Variants in REC114 observed in about 807,000 individuals in gnomAD.
The protein encoded by REC114 is meiotic recombination protein REC114.
Under a neutral mutation model 31.3 loss-of-function variants are expected in REC114, and 27 were observed. The ratio of observed to expected loss-of-function variants is 0.86; its 90% CI spans 0.64 to 1.19. REC114 has a LOEUF of 1.19. Among genes scored for constraint, REC114 ranks in the 50% most tolerant of loss-of-function variants. The probability of loss-of-function intolerance (pLI) is 0.00; values close to 1 mark genes in which losing one functional copy is unlikely to be tolerated. For synonymous variants in REC114, 134 were observed against 127.7 expected, an observed-to-expected ratio of 1.05 and a Z score of -0.33; for missense variants, 344 against 326.9, an observed-to-expected ratio of 1.05 and a Z score of -0.40.
At chr15:73,558,119 C>G (rs964537042) in intron 5 of REC114, among the ~76,000 whole-genome samples, 1 of 152,114 alleles carries the variant, frequency 6.6e-6, no homozygotes, top group Admixed American at 6.6e-5. Flanking sequence ...GCAGGAGGAT[C>G]ATTTAAGGCC....
intron 2 of REC114, among the ~76,000 whole-genome samples, chr15:73,488,934 C>T (rs1314377133): frequency 1.3e-5 from 2 of 152,160 alleles, no homozygotes; most frequent in African/African-American, 4.8e-5. Flanking sequence ...TTCTTGGTAC[C>T]AATTTCTGTC....
chr15:73,447,608 A>G (rs1199302607), intron 1 of REC114, among the ~76,000 whole-genome samples: 1 of 151,936 alleles, frequency 6.6e-6, no homozygotes, highest in Non-Finnish European at 1.5e-5. Flanking sequence ...AGATTGTGCC[A>G]CTGCACTCCA....
At chr15:73,454,474 G>A (rs549279092) in intron 1 of REC114, among the ~76,000 whole-genome samples, 2 of 152,262 alleles carry the variant, frequency 1.3e-5, no homozygotes, top group South Asian at 4.1e-4. Context: ...TTGGCTGTGA[G>A]TATGATTAGA....
In REC114 at chr15:73,546,880, C is replaced by T. The variant is rs778416992; in HGVS notation, c.334-4058C>T. Among the ~76,000 whole-genome samples, 104 of 149,180 alleles carry T rather than the reference C, an allele frequency of 7.0e-4. 1 individual carries two copies. In the Middle Eastern group the frequency reaches 0.01, roughly 15 times the overall value. ...CTATGTGCAGAAGGATGAAACAAGA[C>T]TCCTATCTTTCACCATATACAAAAA... On this transcript the variant is annotated intron_variant, in intron 3 of 5. Transcript: ENST00000331090.
At chr15:73,484,092 A>T (rs992530812) in intron 2 of REC114, 1 of 152,138 alleles carries the variant, frequency 6.6e-6, no homozygotes, top group Non-Finnish European at 1.5e-5. Flanking sequence ...TTGTTTTTTT[A>T]AAATGATAAT....
chr15:73,504,340 C>G (rs1160533992), intron 2 of REC114, among the ~76,000 whole-genome samples: 3 of 152,100 alleles, frequency 2.0e-5, no homozygotes, highest in African/African-American at 7.2e-5. Context: ...TCACATTTCT[C>G]TAACCCTTCT....
intron 3 of REC114, among the ~76,000 whole-genome samples, chr15:73,542,324 C>G (rs56296045): frequency 0.016 from 1,952 of 123,626 alleles, 24 homozygotes; most frequent in East Asian, 0.059. Context: ...GAGCAAGACT[C>G]TGTCTCAAAA....
chr15:73,547,648 T>A (rs961546708), intron 3 of REC114, among the ~76,000 whole-genome samples: 2 of 152,166 alleles, frequency 1.3e-5, no homozygotes, highest in African/African-American at 4.8e-5. Flanking sequence ...ACCTAAGTGT[T>A]CATCAGCAGA....
In REC114 at chr15:73,540,500, A is replaced by C. The variant is rs774719862; in HGVS notation, c.265A>C (p.Ile89Leu). The C allele has an allele frequency of 1.9e-5, 30 of 1,613,730 alleles. No individual in the cohort carries two copies. Among genetic ancestry groups the C allele is most frequent in the Non-Finnish European group, 2.5e-5 (29 of 1,179,798 alleles). Residue 89 changes from isoleucine (I) to leucine (L), a missense_variant, in exon 3 of 6, where the codon ATT (isoleucine) becomes CTT (leucine). Transcript: ENST00000331090. Reference protein sequence around the residue: ...GQTLLEGFSLIGSKDWLKIVR... With the variant: ...GQTLLEGFSLLGSKDWLKIVR... ...TTTGTTTCAGGAAGGGTTTTCACTC[A>C]TTGGTAGCAAGGACTGGTTGAAGAT...
chr15:73,451,435 A>C, intron 1 of REC114, among the ~76,000 whole-genome samples: 1 of 152,230 alleles, frequency 6.6e-6, no homozygotes, highest in Non-Finnish European at 1.5e-5. Context: ...AACCAGGAAG[A>C]AGTTGAATCC....
intron 2 of REC114, among the ~76,000 whole-genome samples, chr15:73,532,105 G>T (rs1894093807): frequency 6.6e-6 from 1 of 151,096 alleles, no homozygotes; most frequent in Admixed American, 6.6e-5. Context: ...TCTAGCATTA[G>T]GTATATCTCC....
intron 2 of REC114, among the ~76,000 whole-genome samples, chr15:73,490,153 T>A (rs1170419683): frequency 6.6e-6 from 1 of 152,232 alleles, no homozygotes; most frequent in Non-Finnish European, 1.5e-5. Context: ...GCATTGGATT[T>A]ACATCTGCAT....
intron 1 of REC114, among the ~76,000 whole-genome samples, chr15:73,467,219 C>G (rs1893074092): frequency 6.6e-6 from 1 of 152,162 alleles, no homozygotes; most frequent in Admixed American, 6.5e-5. Flanking sequence ...CTTAGACCAA[C>G]AAAATGTTTT....
intron 1 of REC114, among the ~76,000 whole-genome samples, chr15:73,472,690 C>G (rs1893148891): frequency 6.6e-6 from 1 of 152,034 alleles, no homozygotes; most frequent in Admixed American, 6.5e-5. Flanking sequence ...GACCCAGATC[C>G]CACTCTAATG....
chr15:73,551,119 A>C lies in REC114; in HGVS notation c.515A>C (p.Asp172Ala). Residue 172 changes from aspartate (D) to alanine (A), a missense_variant, in exon 4 of 6, where the codon GAT becomes GCT. Asp to Ala is a moderately radical substitution (Grantham distance 126, BLOSUM62 -2). Coordinates refer to ENST00000331090, the MANE Select transcript of REC114 (RefSeq NM_001042367.2). ...AGGGCAACTGAAAGTCAAGGGAAGG[A>C]TTCTGCAAAGAGTGTCCCACGGCAG... ...PPRATESQGK[D>A]SAKSVPRQPG... 6.2e-7 allele frequency: 1 copy of C among 1,611,826 alleles called. No homozygotes were observed. The highest frequency in any genetic ancestry group is 8.5e-7 in the Non-Finnish European group (1 of 1,178,924).
intron 2 of REC114, among the ~76,000 whole-genome samples, chr15:73,513,711 G>A (rs1236244608): frequency 1.2e-4 from 19 of 152,148 alleles, no homozygotes; most frequent in East Asian, 1.9e-4. Context: ...GCCTTGTGAG[G>A]TGTCAGTGTG....
chr15:73,553,627 T>A (rs1894422314), intron 4 of REC114, among the ~76,000 whole-genome samples: 1 of 152,206 alleles, frequency 6.6e-6, no homozygotes, highest in Non-Finnish European at 1.5e-5. Flanking sequence ...ATCTAAGTAT[T>A]ACAAATGCAA....
At chr15:73,510,132 T>C (rs1202359947) in intron 2 of REC114, among the ~76,000 whole-genome samples, 1 of 152,086 alleles carries the variant, frequency 6.6e-6, no homozygotes, top group African/African-American at 2.4e-5. Flanking sequence ...CAGTGGTTTG[T>C]AGTTCTCCTT....
At chr15:73,466,971 A>G (rs1893069961) in intron 1 of REC114, among the ~76,000 whole-genome samples, 1 of 152,204 alleles carries the variant, frequency 6.6e-6, no homozygotes, top group African/African-American at 2.4e-5. Context: ...CATCCTAAGA[A>G]AGGGTTGGAT....
Sources: allele counts gnomAD v4.1 joint callset (sites outside exome capture counted in the v4.1 genomes callset), GRCh38; gene constraint gnomAD v4.1.1; transcripts MANE v1.5; gene names NCBI Gene and HGNC (gene_info 2026-07-23, HGNC 2026-07-21).